The following CSMD3 variants were observed in gnomAD, a reference collection of about 807,000 sequenced individuals.
CSMD3 encodes the protein CUB and Sushi multiple domains 3.
In CSMD3, 177 loss-of-function variants were observed where a neutral mutation model predicts 435.2. The observed-to-expected ratio is 0.41, with a 90% CI of 0.36 to 0.46. The LOEUF (loss-of-function observed/expected upper bound fraction) is 0.46, where lower values mean the gene tolerates loss of function less well. CSMD3 is among the 20% of genes least tolerant of loss of function. The pLI is 0.34. For missense variants in CSMD3, 4,265 were observed against 4,504.6 expected (o/e 0.95, Z 1.52); for synonymous variants, 1,656 against 1,520.5 (o/e 1.09, Z -2.07).
intron 17 of CSMD3, among the ~76,000 whole-genome samples, chr8:112,660,960 T>C (rs1003462008): frequency 6.6e-6 from 1 of 152,116 alleles, no homozygotes; most frequent in African/African-American, 2.4e-5. Context: ...TCCAGCTTGG[T>C]GATGTCCATG....
intron 23 of CSMD3, among the ~76,000 whole-genome samples, chr8:112,585,448 A>C (rs1830652081): frequency 6.6e-6 from 1 of 150,822 alleles, no homozygotes; most frequent in African/African-American, 2.4e-5. Context: ...TCCCTATTAC[A>C]TCCCCTTGTG....
intron 22 of CSMD3, among the ~76,000 whole-genome samples, chr8:112,633,359 G>A (rs983533371): frequency 2.0e-4 from 30 of 152,074 alleles, no homozygotes; most frequent in African/African-American, 5.8e-4. Context: ...ACCATACACA[G>A]GACTTAGACT....
chr8:113,135,611 T>C (rs2091398894), intron 4 of CSMD3, among the ~76,000 whole-genome samples: 1 of 151,730 alleles, frequency 6.6e-6, no homozygotes, highest in Non-Finnish European at 1.5e-5. Context: ...ATTTAAAATA[T>C]GTATTATTTA....
chr8:113,026,245 C>A (rs1269994966), intron 5 of CSMD3, among the ~76,000 whole-genome samples: 7 of 152,204 alleles, frequency 4.6e-5, no homozygotes, highest in Non-Finnish European at 1.0e-4. Context: ...TCTCTCCCAT[C>A]CCCAAGCTCA....
chr8:112,972,827 G>A (rs1187189869), intron 7 of CSMD3, among the ~76,000 whole-genome samples: 1 of 151,886 alleles, frequency 6.6e-6, no homozygotes, highest in Admixed American at 6.6e-5. Context: ...TCCTCAGAGA[G>A]CTTAAATTTT....
intron 59 of CSMD3, among the ~76,000 whole-genome samples, chr8:112,273,189 T>C (rs529106646): frequency 1.6e-4 from 24 of 152,230 alleles, no homozygotes; most frequent in African/African-American, 5.5e-4. Context: ...AATAGGAATG[T>C]TTATTTATTT....
chr8:113,226,028 C>T (rs969234202), intron 3 of CSMD3, among the ~76,000 whole-genome samples: 3 of 151,368 alleles, frequency 2.0e-5, no homozygotes, highest in Admixed American at 1.3e-4. Flanking sequence ...CCTGCTGCCA[C>T]GTAAAGAAGG....
intron 11 of CSMD3, among the ~76,000 whole-genome samples, chr8:112,851,374 G>C (rs1172636196): frequency 6.6e-6 from 1 of 152,072 alleles, no homozygotes; most frequent in Admixed American, 6.5e-5. Context: ...CCAGTTTCAC[G>C]TTTTTTCTCA....
At chr8:112,618,791 CTATT>C (rs1346980340) in intron 22 of CSMD3, among the ~76,000 whole-genome samples, 3 of 152,022 alleles carry the variant, frequency 2.0e-5, no homozygotes, top group Non-Finnish European at 4.4e-5. Context: ...TGAAACCACT[CTATT>C]TATGCCTGAA....
At chr8:112,883,712 T>C (rs898066292) in intron 10 of CSMD3, among the ~76,000 whole-genome samples, 1 of 151,950 alleles carries the variant, frequency 6.6e-6, no homozygotes, top group Non-Finnish European at 1.5e-5. Context: ...GCTGTACCAG[T>C]CTTTATTGGA....
At chr8:112,455,591 GTAAATAAATAAA>G (rs71309770) in intron 32 of CSMD3, among the ~76,000 whole-genome samples, 7,921 of 149,558 alleles carry the variant, frequency 0.053, 391 homozygotes, top group African/African-American at 0.13. Flanking sequence ...AAATAAGTAA[GTAAATAAATAAA>G]TAAATAAATA....
At chr8:113,022,252 AT>A (rs143796185) in intron 5 of CSMD3, among the ~76,000 whole-genome samples, 2,484 of 152,234 alleles carry the variant, frequency 0.016, 72 homozygotes, top group African/African-American at 0.056. Flanking sequence ...AATATAACTT[AT>A]TGTTATCCCT....
At chr8:113,435,809 G>GA (rs1402256127) in intron 1 of CSMD3, among the ~76,000 whole-genome samples, 1 of 152,160 alleles carries the variant, frequency 6.6e-6, no homozygotes, top group Non-Finnish European at 1.5e-5. Flanking sequence ...AGTTGTGGAA[G>GA]AGAGCTATGG....
intron 58 of CSMD3, among the ~76,000 whole-genome samples, chr8:112,286,316 T>C (rs1819194936): frequency 6.6e-6 from 1 of 152,120 alleles, no homozygotes; most frequent in Non-Finnish European, 1.5e-5. Flanking sequence ...TGGTCAATCA[T>C]GGTCTAAAAA....
Position 113,122,603 on chromosome 8 carries a change from CAG to C in CSMD3, c.710-23642_710-23641del, listed in dbSNP as rs1043355350. On this transcript the variant is annotated intron_variant, in intron 4 of 70. Transcript: ENST00000297405. ...GGGAAGAAGAGGGAGAAGAAGGAATCAGAGAGAGAGAGATGTGCTTTTTCAGG... is the reference window on the plus strand; with the variant it reads ...GGGAAGAAGAGGGAGAAGAAGGAATCAGAGAGAGAGATGTGCTTTTTCAGG... Among the ~76,000 whole-genome samples the C allele has an allele frequency of 2.1e-3, 325 of 151,578 alleles. 1 individual carries two copies. The highest frequency in any genetic ancestry group is 7.0e-3 in the African/African-American group (289 of 41,392).
chr8:113,167,176 C>A (rs1297225895), intron 4 of CSMD3, among the ~76,000 whole-genome samples: 1 of 152,034 alleles, frequency 6.6e-6, no homozygotes, highest in African/African-American at 2.4e-5. Flanking sequence ...ACATGTTTAA[C>A]TGTCAATAGA....
At chr8:112,644,994 G>A (rs760867120) in intron 20 of CSMD3, 115 bp downstream of exon 20, 1 of 757,394 alleles carries the variant, frequency 1.3e-6, no homozygotes. Flanking sequence ...TTAGCATATT[G>A]TAGTACTGAT....
chr8:112,494,335 TTTTG>T (rs1272699676), intron 30 of CSMD3, among the ~76,000 whole-genome samples: 2 of 149,642 alleles, frequency 1.3e-5, no homozygotes, highest in Admixed American at 6.7e-5. Context: ...TCTTCCTTTC[TTTTG>T]TTCTTTCGTT....
intron 60 of CSMD3, among the ~76,000 whole-genome samples, chr8:112,264,985 A>G (rs1026008761): frequency 6.6e-6 from 1 of 152,038 alleles, no homozygotes; most frequent in Non-Finnish European, 1.5e-5. Context: ...AAGAAAAATT[A>G]CGGTTCTATA....
Sources: gnomAD v4.1 joint callset for allele counts (sites outside exome capture counted in the v4.1 genomes callset) on GRCh38, gnomAD v4.1.1 for gene constraint, MANE v1.5 for transcripts, NCBI Gene and HGNC (gene_info 2026-07-23, HGNC 2026-07-21) for gene names.